Variants in ADCY1 observed in about 807,000 individuals in gnomAD.
ADCY1 encodes the protein adenylate cyclase 1, also known as adenylate cyclase type 1.
A neutral mutation model predicts 105.4 loss-of-function variants in ADCY1; 28 were observed. The observed-to-expected ratio is 0.27, with a 90% CI of 0.20 to 0.36. The LOEUF (loss-of-function observed/expected upper bound fraction) is 0.36. Ranked by LOEUF, ADCY1 falls within the 10% of genes least tolerant of loss-of-function variation. The pLI is 1.00. For synonymous variants in ADCY1, 655 were observed against 623.8 expected (o/e 1.05, Z -0.75); for missense variants, 977 against 1,434.2 (o/e 0.68, Z 5.15).
intron 4 of ADCY1, among the ~76,000 whole-genome samples, chr7:45,629,937 G>T (rs991872168): frequency 6.6e-6 from 1 of 152,176 alleles, no homozygotes; most frequent in Admixed American, 6.5e-5. Flanking sequence ...ACTTGATGTG[G>T]TCAGTCTTTT....
chr7:45,680,381 C>G (rs985179079), intron 11 of ADCY1: 18 of 165,086 alleles, frequency 1.1e-4, no homozygotes, highest in Admixed American at 7.7e-4. Context: ...AGCTTTGCGG[C>G]CTTGTACTAT....
At chr7:45,609,976 G>A (rs56228800) in intron 2 of ADCY1, among the ~76,000 whole-genome samples, 6,241 of 152,294 alleles carry the variant, frequency 0.041, 199 homozygotes, top group African/African-American at 0.088. Flanking sequence ...GACTCTGTGG[G>A]TACCTCAGGA....
In ADCY1 at chr7:45,575,193, C is replaced by G. The variant is rs1792298314; in HGVS notation, c.639+11C>G. The G allele has an allele frequency of 6.3e-7, 1 of 1,578,828 alleles. No homozygotes were observed. Among genetic ancestry groups the G allele is most frequent in the Admixed American group, 1.8e-5 (1 of 55,790 alleles). On this transcript the variant is annotated intron_variant, in intron 1 of 19. Coordinates refer to ENST00000297323, the MANE Select transcript of ADCY1 (RefSeq NM_021116.4). This position sits in a 1 kb window ranked among gnomAD's most constrained non-coding sequence, Gnocchi z 4.7. The stretch of plus-strand genomic sequence containing the variant: ...CGTCTCTGGAGGACGGTAAGTGCAG[C>G]CGCGCACCCCTCATCTGGTCTCGGA...
rs191970541 is a variant in ADCY1, at chr7:45,597,357, A to G, written c.789+4449A>G. ...ACGCATTGGATGCTTCTGTTCCCCA[A>G]TGCCAGATCGTTCTTGCCCCGTTTG... On this transcript the variant is annotated intron_variant, in intron 2 of 19. Transcript: ENST00000297323. 8.5e-5 allele frequency among the ~76,000 whole-genome samples: 13 copies of G among 152,316 alleles called. No individual in the cohort carries two copies. In the East Asian group the frequency reaches 1.7e-3, roughly 20 times the overall value.
At chr7:45,577,054 A>G (rs1792370926) in intron 1 of ADCY1, among the ~76,000 whole-genome samples, 1 of 152,272 alleles carries the variant, frequency 6.6e-6, no homozygotes, top group African/African-American at 2.4e-5. Flanking sequence ...TCCCCCTGGG[A>G]TAAGATGAGC....
Position 45,678,030 on chromosome 7 carries a change from C to T in ADCY1, c.1767C>T (p.Thr589=), listed in dbSNP as rs757763607. Residue 589 remains threonine, a synonymous_variant, in exon 9 of 20, where the codon ACC becomes ACT. Coordinates refer to ENST00000297323, the MANE Select transcript of ADCY1 (RefSeq NM_021116.4). The part of the protein sequence containing the change: ...ELEMADLNFF[T]LKYKHVEREQ... ...AGATGGCAGACCTGAACTTCTTTACCCTGAAGTACAAACATGTCGAACGGG... is the reference window on the plus strand; with the variant it reads ...AGATGGCAGACCTGAACTTCTTTACTCTGAAGTACAAACATGTCGAACGGG... 1.2e-6 allele frequency: 2 copies of T among 1,614,144 alleles called. No individual in the cohort carries two copies. Among genetic ancestry groups the T allele is most frequent in the South Asian group, 2.2e-5 (2 of 91,064 alleles).
intron 1 of ADCY1, among the ~76,000 whole-genome samples, chr7:45,579,357 T>C (rs1364480068): frequency 1.3e-5 from 2 of 152,056 alleles, no homozygotes; most frequent in Non-Finnish European, 2.9e-5. Flanking sequence ...CCTCCCCTGC[T>C]GGCCCCTCCT....
chr7:45,688,026 C>T (rs928011364), intron 14 of ADCY1, among the ~76,000 whole-genome samples: 1 of 152,232 alleles, frequency 6.6e-6, no homozygotes, highest in African/African-American at 2.4e-5. Flanking sequence ...ACCAGGCTTG[C>T]TGCTGGAGTT....
rs2116257797 is a variant in ADCY1 at position 45,703,053 on chromosome 7, C to T, written c.2455-323C>T. 6.6e-6 allele frequency among the ~76,000 whole-genome samples: 1 copy of T among 152,324 alleles called. No homozygotes were observed. Among genetic ancestry groups the T allele is most frequent in the South Asian group, 2.1e-4 (1 of 4,828 alleles). ...GGCTGGTGGAGCCTGTGGATGGGCACATGCCTGAGAAAGAGTTGCTGTAGC... is the reference window on the plus strand; with the variant it reads ...GGCTGGTGGAGCCTGTGGATGGGCATATGCCTGAGAAAGAGTTGCTGTAGC... On this transcript the variant is annotated intron_variant, in intron 14 of 19. Coordinates refer to ENST00000297323, the MANE Select transcript of ADCY1 (RefSeq NM_021116.4). The surrounding 1 kb of genome is among the most constrained non-coding windows in gnomAD (Gnocchi z 5.9).
rs1482230589 is a variant in ADCY1 at position 45,703,241 on chromosome 7, A to G, written c.2455-135A>G. On this transcript the variant is annotated intron_variant, in intron 14 of 19. Transcript: ENST00000297323. The surrounding 1 kb of genome is among the most constrained non-coding windows in gnomAD (Gnocchi z 5.9). ...GGATCTAGTCTTGCATCTAGTGGGG[A>G]GGAGGGACAGGAGCGTGGATGTAGA... The G allele has an allele frequency of 1.3e-6, 1 of 782,918 alleles. No homozygotes were observed. The highest frequency in any genetic ancestry group is 1.7e-5 in the African/African-American group (1 of 59,076). The allele number at this position is 782,918 out of a possible 1,614,324, so 48.5% of individuals were successfully genotyped here. A position where few individuals can be genotyped will look rare whatever the true frequency, so the allele number is the denominator to read the frequency against.
rs1326287988 is a variant in ADCY1, at chr7:45,721,727, G to C, written c.*7732G>C. 6 of 398,570 alleles carry C rather than the reference G, an allele frequency of 1.5e-5. No individual in the cohort carries two copies. Among genetic ancestry groups the C allele is most frequent in the Non-Finnish European group, 2.7e-5 (6 of 226,142 alleles). 24.7% of individuals were successfully genotyped at this position (398,570 alleles called of 1,614,324 possible). On this transcript the variant is annotated 3_prime_UTR_variant, in exon 20 of 20. Coordinates refer to ENST00000297323, the MANE Select transcript of ADCY1 (RefSeq NM_021116.4). ...GAGGATGTTCAAAGGGCCGATTTCA[G>C]CAGGAGTTCAGAGGGCTTATGATGG...
intron 1 of ADCY1, among the ~76,000 whole-genome samples, chr7:45,590,103 C>G (rs1792865832): frequency 6.6e-6 from 1 of 152,038 alleles, no homozygotes; most frequent in African/African-American, 2.4e-5. Context: ...ATGAGGGGGA[C>G]CGGCCGCCAA....
intron 8 of ADCY1, among the ~76,000 whole-genome samples, chr7:45,674,270 G>A (rs1784416343): frequency 6.6e-6 from 1 of 152,064 alleles, no homozygotes; most frequent in South Asian, 2.1e-4. Context: ...TTTTATAAAT[G>A]TCAATTAGAT....
intron 4 of ADCY1, among the ~76,000 whole-genome samples, chr7:45,632,013 AT>A (rs561486999): frequency 2.6e-5 from 4 of 151,742 alleles, no homozygotes; most frequent in Admixed American, 6.6e-5. Flanking sequence ...TCAAAGCTGG[AT>A]TTTTTTTTGT....
At chr7:45,613,148 A>G (rs1043735303) in intron 3 of ADCY1, among the ~76,000 whole-genome samples, 1 of 152,264 alleles carries the variant, frequency 6.6e-6, no homozygotes, top group South Asian at 2.1e-4. Flanking sequence ...AATTTACCTG[A>G]TAGACAATTT....
At chr7:45,581,839 A>G (rs576603239) in intron 1 of ADCY1, among the ~76,000 whole-genome samples, 56 of 152,236 alleles carry the variant, frequency 3.7e-4, no homozygotes, top group African/African-American at 1.2e-3. Flanking sequence ...TCATACACAC[A>G]CATAAACACA....
chr7:45,678,138 C>G (rs1424130081), intron 9 of ADCY1, 28 bp from the exon 10 acceptor site: 1 of 1,613,872 alleles, frequency 6.2e-7, no homozygotes, highest in African/African-American at 1.3e-5. Context: ...GCCCTCAGCC[C>G]TGATGGATTG....
At position 45,714,302 on chromosome 7, in the gene ADCY1, G is replaced by A. The variant is rs1584351155; in HGVS notation, c.*307G>A. ...AGCACTGTTTCTTTCCAGCAAGCCT[G>A]TTCAGGTTTGGCCAGGTCGGCATCA... On this transcript the variant is annotated 3_prime_UTR_variant, in exon 20 of 20. Transcript: ENST00000297323. 16 of 411,762 alleles carry A rather than the reference G, an allele frequency of 3.9e-5. No individual in the cohort carries two copies. The East Asian group carries it at 6.5e-4, about 17-fold the overall frequency. 25.5% of individuals were successfully genotyped at this position (411,762 alleles called of 1,614,324 possible). A position where few individuals can be genotyped will look rare whatever the true frequency, so the allele number is the denominator to read the frequency against.
intron 12 of ADCY1, 48 bp downstream of exon 12, chr7:45,685,116 G>A: frequency 1.3e-6 from 2 of 1,534,502 alleles, no homozygotes; most frequent in Non-Finnish European, 1.8e-6. Context: ...AGAGGGCATG[G>A]CATGGAGGAC....
Sources: allele counts gnomAD v4.1 joint callset (sites outside exome capture counted in the v4.1 genomes callset), GRCh38; gene constraint gnomAD v4.1.1; non-coding constraint Gnocchi (gnomAD v3.1); transcripts MANE v1.5; gene names NCBI Gene and HGNC (gene_info 2026-07-23, HGNC 2026-07-21).